EPG5: variants seen among roughly 807,000 people sequenced by gnomAD.
EPG5 encodes ectopic P-granules 5 autophagy tethering factor, also known as ectopic P granules protein 5 homolog.
In EPG5, 159 loss-of-function variants were observed where a neutral mutation model predicts 302.7. The ratio of observed to expected loss-of-function variants is 0.53; its 90% CI spans 0.46 to 0.60. The LOEUF is 0.60. EPG5 is among the 20% of genes least tolerant of loss of function. EPG5 has a pLI of 0.00. For missense variants in EPG5, 2,896 were observed against 3,092.4 expected, an observed-to-expected ratio of 0.94 and a Z score of 1.51; for synonymous variants, 1,158 against 1,136.8, an observed-to-expected ratio of 1.02 and a Z score of -0.37.
At chr18:45,900,005 C>A (rs1267764688) in intron 26 of EPG5, among the ~76,000 whole-genome samples, 1 of 152,114 alleles carries the variant, frequency 6.6e-6, no homozygotes, top group Non-Finnish European at 1.5e-5. Flanking sequence ...ACTGGTCTAA[C>A]GGTATGTATC....
In EPG5 at chr18:45,878,366, A is replaced by T. The variant is rs763388380; in HGVS notation, c.5942+10T>A. 5.1e-6 allele frequency: 8 copies of T among 1,580,146 alleles called. No homozygotes were observed. The South Asian group carries it at 8.9e-5, about 18-fold the overall frequency. On this transcript the variant is annotated intron_variant, in intron 34 of 43. Transcript: ENST00000282041. The stretch of plus-strand genomic sequence containing the variant: ...GTCAAAGGAATTTGAATATCTAAAA[A>T]ACTGTTTACCTTTCGTTGTCCTCTA...
the EPG5 span, among the ~76,000 whole-genome samples, chr18:45,818,118 T>A: frequency 1.3e-5 from 2 of 152,222 alleles, no homozygotes; most frequent in Admixed American, 6.5e-5. Context: ...AGCACATACA[T>A]ATATGTTCTA....
chr18:45,899,642 C>A, intron 26 of EPG5, 76 bp from the exon 27 acceptor site: 1 of 1,479,528 alleles, frequency 6.8e-7, no homozygotes, highest in East Asian at 2.3e-5. Context: ...TTCCAGTTAC[C>A]CACAGCCAGC....
chr18:45,890,425 T>C (rs1029746005), intron 27 of EPG5, among the ~76,000 whole-genome samples: 1 of 151,896 alleles, frequency 6.6e-6, no homozygotes, highest in Admixed American at 6.6e-5. Flanking sequence ...TAAGATAAAA[T>C]ATGGGGAAAT....
chr18:45,937,349 T>C (rs1027503805), intron 10 of EPG5, among the ~76,000 whole-genome samples: 2 of 149,950 alleles, frequency 1.3e-5, no homozygotes. Context: ...TATATAGATA[T>C]ACACATATAT....
chr18:45,903,620 C>A (rs186600697), intron 25 of EPG5, among the ~76,000 whole-genome samples: 1 of 152,242 alleles, frequency 6.6e-6, no homozygotes, highest in Non-Finnish European at 1.5e-5. Context: ...CTTTTGTGGC[C>A]TGATAGAAAA....
chr18:45,866,122 CTTT>C (rs11390724), intron 38 of EPG5, among the ~76,000 whole-genome samples: 6 of 141,494 alleles, frequency 4.2e-5, no homozygotes, highest in African/African-American at 7.9e-5. Context: ...GGTACTATTT[CTTT>C]TTTTTTTTTT....
chr18:45,897,865 T>C (rs942311449), intron 27 of EPG5, among the ~76,000 whole-genome samples: 2 of 152,052 alleles, frequency 1.3e-5, no homozygotes, highest in African/African-American at 4.8e-5. Context: ...CAATGAAAAT[T>C]AGCAAAAAAA....
Position 45,954,935 on chromosome 18 carries a change from G to A in EPG5, c.467C>T (p.Pro156Leu). 3.1e-6 allele frequency: 5 copies of A among 1,613,400 alleles called. No homozygotes were observed. The highest frequency in any genetic ancestry group is 3.3e-4 in the Middle Eastern group (2 of 6,056). ...SVQGGLSESA[P>L]QSNFSYTQPA... ...CTGAGTATAAGAAAAATTAGATTGG[G>A]GTGCACTTTCTGAAAGTCCACCTTG... Residue 156 changes from proline to leucine, a missense_variant, in exon 2 of 44, where the codon CCC (proline) becomes CTC (leucine). By Grantham distance (98) the Pro-to-Leu change is moderately conservative (BLOSUM62 -3). This residue lies in a region of EPG5 where 1,390 missense variants were observed against 1,430.0 expected (regional missense o/e 0.97). Transcript: ENST00000282041.
At chr18:45,908,506 T>C (rs2145647036) in intron 23 of EPG5, among the ~76,000 whole-genome samples, 1 of 152,252 alleles carries the variant, frequency 6.6e-6, no homozygotes, top group South Asian at 2.1e-4. Context: ...AGAGAAAATA[T>C]TAAGAGCTAT....
rs569117165 is a variant in EPG5, at chr18:45,932,709, C to T, written c.2258-1879G>A. ...ATTAGAGCAGGAGGATCAAATTTTG[C>T]AAAGACTCCACTCTCAAAGCTAGAA... On this transcript the variant is annotated intron_variant, in intron 11 of 43. Transcript: ENST00000282041. Among the ~76,000 whole-genome samples the T allele has an allele frequency of 2.6e-5, 4 of 151,056 alleles. No homozygotes were observed. The South Asian group carries it at 6.3e-4, about 24-fold the overall frequency.
the EPG5 span, among the ~76,000 whole-genome samples, chr18:45,811,478 G>A: frequency 6.6e-6 from 1 of 152,098 alleles, no homozygotes; most frequent in African/African-American, 2.4e-5. Context: ...GAGAATTTTA[G>A]ACCAATATCC....
At chr18:45,921,629 C>T (rs1280624749) in intron 16 of EPG5, among the ~76,000 whole-genome samples, 1 of 152,128 alleles carries the variant, frequency 6.6e-6, no homozygotes, top group Non-Finnish European at 1.5e-5. Flanking sequence ...AGAAGACATA[C>T]AGACAGCTAT....
chr18:45,955,354 A>C lies in EPG5; in HGVS notation c.64-16T>G. 1.4e-6 allele frequency: 2 copies of C among 1,449,406 alleles called. No individual in the cohort carries two copies. The highest frequency in any genetic ancestry group is 1.9e-6 in the Non-Finnish European group (2 of 1,078,222). 89.8% of individuals were successfully genotyped at this position (1,449,406 alleles called of 1,614,324 possible). On this transcript the variant is annotated splice_polypyrimidine_tract_variant and intron_variant, in intron 1 of 43. Coordinates refer to ENST00000282041, the MANE Select transcript of EPG5 (RefSeq NM_020964.3). ...TCTTCTTTTCCTAAAAACAACATAC[A>C]TAATGTGAAATAATTTATCACAATA...
the EPG5 span, among the ~76,000 whole-genome samples, chr18:45,822,354 A>C: frequency 6.6e-6 from 1 of 152,218 alleles, no homozygotes; most frequent in East Asian, 1.9e-4. Context: ...GATCTCATAG[A>C]AGTAAAAAGT....
At chr18:45,884,206 A>T (rs933243361) in intron 30 of EPG5, among the ~76,000 whole-genome samples, 1 of 152,212 alleles carries the variant, frequency 6.6e-6, no homozygotes, top group Admixed American at 6.5e-5. Flanking sequence ...ACCTCCTGTC[A>T]GATCACCCAT....
rs140400881 is a variant in EPG5, at chr18:45,958,709, G to A, written c.64-3371C>T. On this transcript the variant is annotated intron_variant, in intron 1 of 43. Coordinates refer to ENST00000282041, the MANE Select transcript of EPG5 (RefSeq NM_020964.3). Reference sequence around the variant, plus strand: ...GAGAGCTAAAACTTTTAAACTGTTAGAAGAAAACAAAAAAATCTTTATAAA... The same window carrying A: ...GAGAGCTAAAACTTTTAAACTGTTAAAAGAAAACAAAAAAATCTTTATAAA... 5.2e-3 allele frequency among the ~76,000 whole-genome samples: 798 copies of A among 152,258 alleles called. 6 individuals carry two copies. The highest frequency in any genetic ancestry group is 0.018 in the African/African-American group (743 of 41,546).
intron 6 of EPG5, 29 bp downstream of exon 6, chr18:45,948,474 T>G (rs1306201642): frequency 3.2e-6 from 5 of 1,573,774 alleles, no homozygotes; most frequent in Non-Finnish European, 4.4e-6. Flanking sequence ...CATTTCAATC[T>G]CTACTTCACA....
chr18:45,955,252 A>G lies in EPG5; in HGVS notation c.150T>C (p.Ser50=), dbSNP rs368060363. 6.2e-7 allele frequency: 1 copy of G among 1,614,082 alleles called. No homozygotes were observed. Among genetic ancestry groups the G allele is most frequent in the African/African-American group, 1.3e-5 (1 of 74,924 alleles). ...GGTCTCCTTTGAATTCACAGGCTAG[A>G]GAAGGGATTTCCTGCTCTCTGGAGG... is the stretch of plus-strand genomic sequence containing the variant. ...PKTSREQEIP[S]LACEFKGDHL... Residue 50 remains serine, a synonymous_variant, in exon 2 of 44, where the codon TCT becomes TCC. Coordinates refer to ENST00000282041, the MANE Select transcript of EPG5 (RefSeq NM_020964.3).
Sources: allele counts gnomAD v4.1 joint callset (sites outside exome capture counted in the v4.1 genomes callset), GRCh38; gene constraint gnomAD v4.1.1; regional missense constraint gnomAD v4.1.1; transcripts MANE v1.5; gene names NCBI Gene and HGNC (gene_info 2026-07-23, HGNC 2026-07-21).